EIF4A3: variants seen among roughly 807,000 people sequenced by gnomAD.
The protein encoded by EIF4A3 is eukaryotic initiation factor 4A-III.
Under a neutral mutation model 55.6 loss-of-function variants are expected in EIF4A3, and 1 was observed. The observed-to-expected ratio is 0.02, with a 90% CI of 0.01 to 0.09. EIF4A3 has a LOEUF of 0.09. Among genes scored for constraint, EIF4A3 ranks in the 10% least tolerant of loss-of-function variants. The pLI is 1.00. For synonymous variants in EIF4A3, 194 were observed against 196.3 expected, an observed-to-expected ratio of 0.99 and a Z score of 0.10; for missense variants, 221 against 540.7, an observed-to-expected ratio of 0.41 and a Z score of 5.86.
Position 80,141,435 on chromosome 17 carries a change from T to C in EIF4A3, c.310-54A>G, listed in dbSNP as rs941183590. The C allele has an allele frequency of 2.7e-5, 42 of 1,543,216 alleles. 2 individuals carry two copies. In the South Asian group the frequency reaches 4.5e-4, roughly 16 times the overall value. ...GAATCCGCAGTATTATCAAAGTGGATTGTAGTAATTCACACTCAGATCTAT... is the reference window on the plus strand; with the variant it reads ...GAATCCGCAGTATTATCAAAGTGGACTGTAGTAATTCACACTCAGATCTAT... On this transcript the variant is annotated intron_variant, in intron 3 of 11. Coordinates refer to ENST00000649764, the MANE Select transcript of EIF4A3 (RefSeq NM_014740.4).
At chr17:80,141,516 T>C in intron 3 of EIF4A3, 135 bp from the exon 4 acceptor site, 1 of 996,344 alleles carries the variant, frequency 1.0e-6, no homozygotes, top group East Asian at 2.6e-5. Flanking sequence ...GGTTAGCAAA[T>C]ATTGTCATTT....
rs185376089 is a variant in EIF4A3, at chr17:80,140,260, C to T, written c.373-120G>A. The T allele has an allele frequency of 1.7e-4, 205 of 1,220,318 alleles. No homozygotes were observed. The Middle Eastern group carries it at 2.1e-3, about 13-fold the overall frequency. The allele number at this position is 1,220,318 out of a possible 1,614,324, so 75.6% of individuals were successfully genotyped here. ...ATTATTATTTATGCCATTATTATCT[C>T]GAAACCACAAAATTCTCCTGCTCTT... On this transcript the variant is annotated intron_variant, in intron 4 of 11. Coordinates refer to ENST00000649764, the MANE Select transcript of EIF4A3 (RefSeq NM_014740.4).
intron 1 of EIF4A3, among the ~76,000 whole-genome samples, chr17:80,145,169 G>GGTGGGGCTGTCAGCCTCACT: frequency 6.6e-6 from 1 of 152,340 alleles, no homozygotes; most frequent in South Asian, 2.1e-4. Context: ...CAGGAAACCA[G>GGTGGGGCTGTCAGCCTCACT]GTGGGGCTGT....
In EIF4A3 at chr17:80,138,295, C is replaced by T. The variant is rs1436249497; in HGVS notation, c.729-15G>A. ...TCAATTCATCACTGAAGGACAAAGACAAATCCTGTTACATACTCATCCTTC... is the reference window on the plus strand; with the variant it reads ...TCAATTCATCACTGAAGGACAAAGATAAATCCTGTTACATACTCATCCTTC... On this transcript the variant is annotated splice_polypyrimidine_tract_variant and intron_variant, in intron 7 of 11. Coordinates refer to ENST00000649764, the MANE Select transcript of EIF4A3 (RefSeq NM_014740.4). 1 of 1,613,194 alleles carries T rather than the reference C, an allele frequency of 6.2e-7. No individual in the cohort carries two copies.
intron 9 of EIF4A3, 51 bp downstream of exon 9, chr17:80,137,335 G>A: frequency 6.5e-7 from 1 of 1,533,936 alleles, no homozygotes; most frequent in East Asian, 2.3e-5. Flanking sequence ...GAAGTGCTTA[G>A]ACACAGTCTA....
chr17:80,137,789 T>C (rs983176271), intron 8 of EIF4A3, among the ~76,000 whole-genome samples: 1 of 152,164 alleles, frequency 6.6e-6, no homozygotes, highest in African/African-American at 2.4e-5. Context: ...TGTTAGAATG[T>C]AGCCCAACTC....
Position 80,146,994 on chromosome 17 carries a change from C to T in EIF4A3, c.-33G>A, listed in dbSNP as rs368098345. On this transcript the variant is annotated 5_prime_UTR_variant, in exon 1 of 12. Coordinates refer to ENST00000649764, the MANE Select transcript of EIF4A3 (RefSeq NM_014740.4). ...AGTCCGCGGAAGAGCACAGCGCGCG[C>T]CGCTGCCGACCTCGCTGCCGCTGCC... 5.5e-5 allele frequency: 82 copies of T among 1,492,796 alleles called. No homozygotes were observed. Among genetic ancestry groups the T allele is most frequent in the Non-Finnish European group, 6.5e-5 (73 of 1,121,258 alleles). 92.5% of individuals were successfully genotyped at this position (1,492,796 alleles called of 1,614,324 possible).
At position 80,134,474 on chromosome 17, in the gene EIF4A3, C is replaced by G. The variant is rs1356540761; in HGVS notation, c.*1016G>C. Reference sequence around the variant, plus strand: ...TAAGTCATGATCCTGCCACTATACTCCTGCCTGGGCGACAGGGAGATCCTG... The same window carrying G: ...TAAGTCATGATCCTGCCACTATACTGCTGCCTGGGCGACAGGGAGATCCTG... On this transcript the variant is annotated 3_prime_UTR_variant, in exon 12 of 12. Transcript: ENST00000649764. Among the ~76,000 whole-genome samples, 2 of 151,962 alleles carry G rather than the reference C, an allele frequency of 1.3e-5. No individual in the cohort carries two copies. Among genetic ancestry groups the G allele is most frequent in the Non-Finnish European group, 2.9e-5 (2 of 68,004 alleles).
At chr17:80,135,537 A>T in intron 11 of EIF4A3, 31 bp from the exon 12 acceptor site, 2 of 1,527,672 alleles carry the variant, frequency 1.3e-6, no homozygotes, top group Non-Finnish European at 1.8e-6. Flanking sequence ...AGATTAAGGA[A>T]CAACACAAAC....
At chr17:80,146,681 GACC>G in intron 1 of EIF4A3, 109 bp downstream of exon 1, 3 of 1,337,220 alleles carry the variant, frequency 2.2e-6, no homozygotes, top group Non-Finnish European at 2.0e-6. Context: ...CCTCGACCCT[GACC>G]ACGACCTCCG....
intron 2 of EIF4A3, among the ~76,000 whole-genome samples, chr17:80,142,521 A>G (rs1474566036): frequency 6.6e-6 from 1 of 152,166 alleles, no homozygotes; most frequent in Non-Finnish European, 1.5e-5. Context: ...CAGAGGCAGC[A>G]TTAATTGAAG....
intron 1 of EIF4A3, among the ~76,000 whole-genome samples, chr17:80,145,476 A>G (rs886283280): frequency 6.6e-6 from 1 of 152,212 alleles, no homozygotes; most frequent in African/African-American, 2.4e-5. Flanking sequence ...AGGCAAAGGA[A>G]TCGCTTGAGC....
rs1416447599 is a variant in EIF4A3, at chr17:80,144,046, A to G, written c.242+126T>C. The G allele has an allele frequency of 2.4e-5, 21 of 882,292 alleles. No individual in the cohort carries two copies. The East Asian group carries it at 5.0e-4, about 21-fold the overall frequency. 54.7% of individuals were successfully genotyped at this position (882,292 alleles called of 1,614,324 possible). A position where few individuals can be genotyped will look rare whatever the true frequency, so the allele number is the denominator to read the frequency against. ...TAAAAAAGTATTAAACCCTGTGGCT[A>G]AAGTCAGGGAAAGTGTTGGAACTGA... On this transcript the variant is annotated intron_variant, in intron 2 of 11. Coordinates refer to ENST00000649764, the MANE Select transcript of EIF4A3 (RefSeq NM_014740.4).
chr17:80,139,778 C>T (rs780545070), intron 5 of EIF4A3, 28 bp from the exon 6 acceptor site: 40 of 1,598,578 alleles, frequency 2.5e-5, no homozygotes, highest in East Asian at 1.8e-4. Context: ...GAAATACTTA[C>T]GACAAATCAC....
In EIF4A3 at chr17:80,135,236, G is replaced by A. The variant is rs1004164118; in HGVS notation, c.*254C>T. 7.5e-6 allele frequency: 3 copies of A among 397,912 alleles called. No individual in the cohort carries two copies. Among genetic ancestry groups the A allele is most frequent in the Non-Finnish European group, 1.4e-5 (3 of 221,946 alleles). 24.6% of individuals were successfully genotyped at this position (397,912 alleles called of 1,614,324 possible). ...CAGTAAGTTACTAGAGAAGGTGGTG[G>A]CACCTTAGAAGTATAGAGTTTATGG... On this transcript the variant is annotated 3_prime_UTR_variant, in exon 12 of 12. Coordinates refer to ENST00000649764, the MANE Select transcript of EIF4A3 (RefSeq NM_014740.4).
At position 80,141,358 on chromosome 17, in the gene EIF4A3, G is replaced by A. The variant is rs532611586; in HGVS notation, c.333C>T (p.Ile111=). 3.1e-6 allele frequency: 5 copies of A among 1,613,886 alleles called. No homozygotes were observed. Among genetic ancestry groups the A allele is most frequent in the African/African-American group, 2.7e-5 (2 of 75,044 alleles). ...DIQVRETQAL[I]LAPTRELAVQ... ...CAGCCAACTCTCTTGTGGGAGCCAAGATCAAAGCTTGAGTTTCACGAACCT... is the reference window on the plus strand; with the variant it reads ...CAGCCAACTCTCTTGTGGGAGCCAAAATCAAAGCTTGAGTTTCACGAACCT... The change falls in exon 4 of 12, where the codon ATC becomes ATT. Residue 111 remains isoleucine, a synonymous_variant. Transcript: ENST00000649764.
Position 80,134,566 on chromosome 17 carries a change from G to GT in EIF4A3, c.*923dup. Among the ~76,000 whole-genome samples, 1 of 152,010 alleles carries GT rather than the reference G, an allele frequency of 6.6e-6. No homozygotes were observed. Among genetic ancestry groups the GT allele is most frequent in the East Asian group, 1.9e-4 (1 of 5,156 alleles). On this transcript the variant is annotated 3_prime_UTR_variant, in exon 12 of 12. Transcript: ENST00000649764. Reference sequence around the variant, plus strand: ...AGGCCAGGCATGGTGGCTCACACCTGTTATCCCAGCACTTTGTAAGGCCAA... The same window carrying GT: ...AGGCCAGGCATGGTGGCTCACACCTGTTTATCCCAGCACTTTGTAAGGCCAA...
intron 7 of EIF4A3, 51 bp from the exon 8 acceptor site, chr17:80,138,331 T>G (rs1389267122): frequency 6.2e-7 from 1 of 1,603,402 alleles, no homozygotes; most frequent in Non-Finnish European, 8.5e-7. Flanking sequence ...CTTCTAGGAC[T>G]TGAGGGTGGG....
rs770539912 is a variant in EIF4A3 at position 80,144,224 on chromosome 17, T to C, written c.190A>G (p.Ile64Val). 6.2e-7 allele frequency: 1 copy of C among 1,614,052 alleles called. No homozygotes were observed. The change falls in exon 2 of 12, where the codon ATC becomes GTC. Residue 64 changes from isoleucine (I) to valine (V), a missense_variant. Coordinates refer to ENST00000649764, the MANE Select transcript of EIF4A3 (RefSeq NM_014740.4). ...YAYGFEKPSA[I>V]QQRAIKQIIK... ...ATCTGCTTGATTGCTCGTTGCTGGA[T>C]TGCTGATGGTTTTTCAAAACCTGCA...
Sources: allele counts gnomAD v4.1 joint callset (sites outside exome capture counted in the v4.1 genomes callset), GRCh38; gene constraint gnomAD v4.1.1; transcripts MANE v1.5; gene names NCBI Gene and HGNC (gene_info 2026-07-23, HGNC 2026-07-21).